Variants in TMEM245 observed in about 807,000 individuals in gnomAD.
TMEM245 encodes the protein protein CG-2.
A neutral mutation model predicts 101.2 loss-of-function variants in TMEM245; 69 were observed. The ratio of observed to expected loss-of-function variants is 0.68; its 90% confidence interval spans 0.56 to 0.83. The LOEUF is 0.83. Ranked by LOEUF, TMEM245 falls within the 40% of genes least tolerant of loss-of-function variation. TMEM245 has a pLI of 0.00. For missense variants in TMEM245, 1,075 were observed against 1,092.8 expected, an observed-to-expected ratio of 0.98 and a Z score of 0.23; for synonymous variants, 537 against 449.8, an observed-to-expected ratio of 1.19 and a Z score of -2.45.
chr9:109,095,703 G>A (rs1263131294), intron 3 of TMEM245, among the ~76,000 whole-genome samples: 1 of 152,160 alleles, frequency 6.6e-6, no homozygotes, highest in Non-Finnish European at 1.5e-5. Flanking sequence ...ATATGCAGTT[G>A]CAAGAAATAA....
At chr9:109,056,089 A>G (rs1194063060) in intron 12 of TMEM245, among the ~76,000 whole-genome samples, 2 of 152,362 alleles carry the variant, frequency 1.3e-5, no homozygotes, top group South Asian at 2.1e-4. Context: ...TAGGAAGCCA[A>G]AAGATAACAT....
intron 8 of TMEM245, among the ~76,000 whole-genome samples, chr9:109,079,921 G>A (rs943752373): frequency 2.6e-5 from 4 of 152,050 alleles, no homozygotes; most frequent in Non-Finnish European, 5.9e-5. Flanking sequence ...CCAAAGAACA[G>A]ATAGGAACTA....
At position 109,027,702 on chromosome 9, in the gene TMEM245, G is replaced by A. The variant is rs1009739784; in HGVS notation, c.2594+5605C>T. ...TCTTTTTTTTTTGAGACAGAGTCTCGCTCTGTTGCCCAGGCTGCAGTGCAG... is the reference window on the plus strand; with the variant it reads ...TCTTTTTTTTTTGAGACAGAGTCTCACTCTGTTGCCCAGGCTGCAGTGCAG... On this transcript the variant is annotated intron_variant, in intron 17 of 17. Transcript: ENST00000374586. Among the ~76,000 whole-genome samples the A allele has an allele frequency of 2.6e-5, 4 of 151,722 alleles. No individual in the cohort carries two copies. The East Asian group carries it at 5.8e-4, about 22-fold the overall frequency.
intron 17 of TMEM245, among the ~76,000 whole-genome samples, chr9:109,032,499 C>T (rs1827989364): frequency 6.7e-6 from 1 of 148,638 alleles, no homozygotes; most frequent in Admixed American, 6.8e-5. Context: ...ATTCTCCTGC[C>T]TCAGCCTCCC....
chr9:109,040,684 A>T (rs1217991459), intron 14 of TMEM245, among the ~76,000 whole-genome samples: 1 of 152,246 alleles, frequency 6.6e-6, no homozygotes, highest in East Asian at 1.9e-4. Flanking sequence ...TGCTAAGTAC[A>T]TTCACGTTGT....
At chr9:109,076,263 A>G (rs1041943936) in intron 8 of TMEM245, among the ~76,000 whole-genome samples, 1 of 138,918 alleles carries the variant, frequency 7.2e-6, no homozygotes, top group Non-Finnish European at 1.6e-5. Flanking sequence ...AACCATTCTC[A>G]GCAAACTATC....
Position 109,050,311 on chromosome 9 carries a change from T to C in TMEM245, c.2095A>G (p.Ile699Val). ...ATAGCTTCTTCCACAGACTGGCCAA[T>C]AATATTAGAAGAAGGACCTGGCTGA... is the stretch of plus-strand genomic sequence containing the variant. ...LSQPGPSSNI[I>V]GQSVEEAIRG... Residue 699 changes from isoleucine to valine, a missense_variant, in exon 14 of 18, where the codon ATT (isoleucine) becomes GTT (valine). Physicochemically the swap from Ile to Val is conservative, Grantham distance 29 (BLOSUM62 3). Coordinates refer to ENST00000374586, the MANE Select transcript of TMEM245 (RefSeq NM_032012.4). 3 of 1,614,030 alleles carry C rather than the reference T, an allele frequency of 1.9e-6. No homozygotes were observed. Among genetic ancestry groups the C allele is most frequent in the Non-Finnish European group, 2.5e-6 (3 of 1,179,964 alleles).
At chr9:109,075,390 C>CAA (rs1215486985) in intron 8 of TMEM245, among the ~76,000 whole-genome samples, 4 of 152,172 alleles carry the variant, frequency 2.6e-5, no homozygotes, top group Admixed American at 2.6e-4. Context: ...AATGAGCTGA[C>CAA]AAGTGTTACT....
rs560779798 is a variant in TMEM245, at chr9:109,089,651, G to A, written c.1150+1271C>T. Among the ~76,000 whole-genome samples, 278 of 152,254 alleles carry A rather than the reference G, an allele frequency of 1.8e-3. 1 individual carries two copies. Among genetic ancestry groups the A allele is most frequent in the Admixed American group, 5.2e-3 (80 of 15,300 alleles). ...ATCAGGAAAATATTAGGTAAAAGAT[G>A]TTTCTACAATGCACCTGTCAGAGAA... On this transcript the variant is annotated intron_variant, in intron 5 of 17. Coordinates refer to ENST00000374586, the MANE Select transcript of TMEM245 (RefSeq NM_032012.4).
chr9:109,039,787 GACCAA>G (rs931630890), intron 14 of TMEM245, among the ~76,000 whole-genome samples: 18 of 151,992 alleles, frequency 1.2e-4, no homozygotes, highest in African/African-American at 4.1e-4. Flanking sequence ...TATTCCCGGA[GACCAA>G]GGGAGAAGGT....
In TMEM245 at chr9:109,017,458, A is replaced by G. The variant is rs1827483922; in HGVS notation, c.*3002T>C. On this transcript the variant is annotated 3_prime_UTR_variant, in exon 18 of 18. Transcript: ENST00000374586. ...TTGATAGGAACTTCAGAACTCAAAC[A>G]GCACTCACATAACATGGAATTTATG... The G allele has an allele frequency of 3.3e-5, 5 of 152,242 alleles. No individual in the cohort carries two copies. The South Asian group carries it at 8.3e-4, about 25-fold the overall frequency. The allele number at this position is 152,242 out of a possible 1,614,324, so 9.4% of individuals were successfully genotyped here.
chr9:109,100,554 T>C (rs976256301), intron 3 of TMEM245, among the ~76,000 whole-genome samples: 1 of 152,154 alleles, frequency 6.6e-6, no homozygotes, highest in Non-Finnish European at 1.5e-5. Flanking sequence ...CTCACTATCT[T>C]GACCAGGCAA....
intron 1 of TMEM245, among the ~76,000 whole-genome samples, chr9:109,115,281 T>C (rs1004818905): frequency 4.0e-5 from 6 of 151,866 alleles, no homozygotes; most frequent in Admixed American, 2.0e-4. Flanking sequence ...GAGGCAGAGC[T>C]TGCAGTGAGC....
At chr9:109,107,566 G>C (rs1830462121) in intron 2 of TMEM245, among the ~76,000 whole-genome samples, 1 of 152,108 alleles carries the variant, frequency 6.6e-6, no homozygotes, top group Non-Finnish European at 1.5e-5. Context: ...GGTTCTTGCA[G>C]ATAAATTCCT....
chr9:109,029,359 C>T lies in TMEM245; in HGVS notation c.2594+3948G>A, dbSNP rs1484024055. Among the ~76,000 whole-genome samples the T allele has an allele frequency of 2.0e-5, 3 of 152,126 alleles. No individual in the cohort carries two copies. The East Asian group carries it at 5.8e-4, about 29-fold the overall frequency. ...AGGTCTTAGCAAGTGCCCATCAGGA[C>T]AGAAACCGTAGATAAACAAAAAGAT... On this transcript the variant is annotated intron_variant, in intron 17 of 17. Coordinates refer to ENST00000374586, the MANE Select transcript of TMEM245 (RefSeq NM_032012.4).
chr9:109,112,845 A>G (rs904666056), intron 1 of TMEM245, among the ~76,000 whole-genome samples: 1 of 152,186 alleles, frequency 6.6e-6, no homozygotes, highest in African/African-American at 2.4e-5. Flanking sequence ...TGGGAGACCA[A>G]GATGGGCAGA....
intron 14 of TMEM245, among the ~76,000 whole-genome samples, chr9:109,041,119 A>G (rs995975050): frequency 3.3e-5 from 5 of 152,232 alleles, no homozygotes; most frequent in Non-Finnish European, 7.3e-5. Flanking sequence ...TAAACCTCAC[A>G]GTTTCATGTG....
At chr9:109,076,972 G>A (rs1259106808) in intron 8 of TMEM245, among the ~76,000 whole-genome samples, 1 of 152,086 alleles carries the variant, frequency 6.6e-6, no homozygotes, top group Non-Finnish European at 1.5e-5. Flanking sequence ...GAGATAACAG[G>A]TGTGTACCAC....
Position 109,061,509 on chromosome 9 carries a change from T to C in TMEM245, c.1624-1057A>G, listed in dbSNP as rs112518232. Among the ~76,000 whole-genome samples, 147 of 152,346 alleles carry C rather than the reference T, an allele frequency of 9.6e-4. 1 individual carries two copies. Among genetic ancestry groups the C allele is most frequent in the African/African-American group, 3.3e-3 (137 of 41,574 alleles). On this transcript the variant is annotated intron_variant, in intron 10 of 17. Coordinates refer to ENST00000374586, the MANE Select transcript of TMEM245 (RefSeq NM_032012.4). ...CTAACCTTCATCTTTAATACTTTTA[T>C]ATTAATTCATTACGTTCTGGTATTA...
Sources: gnomAD v4.1 joint callset for allele counts (sites outside exome capture counted in the v4.1 genomes callset) on GRCh38, gnomAD v4.1.1 for gene constraint, MANE v1.5 for transcripts, NCBI Gene and HGNC (gene_info 2026-07-23, HGNC 2026-07-21) for gene names.